AK1: variants seen among roughly 807,000 people sequenced by gnomAD.
The protein encoded by AK1 is adenylate kinase isoenzyme 1.
Under a neutral mutation model 23.9 loss-of-function variants are expected in AK1, and 13 were observed. The ratio of observed to expected loss-of-function variants is 0.54; its 90% CI spans 0.35 to 0.86. The LOEUF is 0.86. AK1 is among the 40% of genes least tolerant of loss of function. AK1 has a pLI of 0.01. For missense variants in AK1, 214 were observed against 255.1 expected (o/e 0.84, Z 1.10); for synonymous variants, 97 against 102.8 (o/e 0.94, Z 0.34).
chr9:127,873,532 G>T, intron 2 of AK1: 1 of 1,441,242 alleles, frequency 6.9e-7, no homozygotes, highest in Non-Finnish European at 9.1e-7. Context: ...TCCCCCGGCA[G>T]TGGGGGCTTA....
Position 127,877,643 on chromosome 9 carries a change from G to C in AK1, c.-53C>G, listed in dbSNP as rs1386718919. 1 of 152,194 alleles carries C rather than the reference G, an allele frequency of 6.6e-6. No homozygotes were observed. Among genetic ancestry groups the C allele is most frequent in the East Asian group, 1.9e-4 (1 of 5,176 alleles). The allele number at this position is 152,194 out of a possible 1,614,324, so 9.4% of individuals were successfully genotyped here. On this transcript the variant is annotated 5_prime_UTR_variant, in exon 1 of 7. Coordinates refer to ENST00000644144, the MANE Select transcript of AK1 (RefSeq NM_000476.3). The surrounding 1 kb of genome is among the most constrained non-coding windows in gnomAD (Gnocchi z 5.2). ...CTGACCTGGGGAGGGGTGCGGGTGG[G>C]CGCCGGGGCCAGTGCGTGCCCTGCC... is the stretch of plus-strand genomic sequence containing the variant.
Position 127,871,772 on chromosome 9 carries a change from G to A in AK1, c.324+51C>T. On this transcript the variant is annotated intron_variant, in intron 5 of 6. Coordinates refer to ENST00000644144, the MANE Select transcript of AK1 (RefSeq NM_000476.3). The surrounding 1 kb of genome is among the most constrained non-coding windows in gnomAD (Gnocchi z 4.4). The stretch of plus-strand genomic sequence containing the variant: ...CGCAGGCCCGCCCATGGGGATGGGA[G>A]TCTTATCCTGCCCCAGCCCACCAGG... The A allele has an allele frequency of 5.3e-6, 8 of 1,517,066 alleles. No individual in the cohort carries two copies. The highest frequency in any genetic ancestry group is 6.4e-6 in the Non-Finnish European group (7 of 1,092,856). The allele number at this position is 1,517,066 out of a possible 1,614,324, so 94.0% of individuals were successfully genotyped here.
chr9:127,874,457 C>T (rs1829491872), intron 2 of AK1, 154 bp downstream of exon 2: 4 of 985,338 alleles, frequency 4.1e-6, no homozygotes, highest in Non-Finnish European at 4.8e-6. Flanking sequence ...CGTGAGAGGC[C>T]AGAGGAGGAT....
Position 127,868,107 on chromosome 9 carries a change from C to A in AK1, c.517-31G>T. 3 of 1,612,204 alleles carry A rather than the reference C, an allele frequency of 1.9e-6. No homozygotes were observed. The highest frequency in any genetic ancestry group is 1.1e-5 in the South Asian group (1 of 90,982). ...GGGAGATGGGCCGTGAGGGCTGAGT[C>A]ACCAGGTGGAGTGGGGTGGGCCTCA... On this transcript the variant is annotated intron_variant, in intron 6 of 6. Coordinates refer to ENST00000644144, the MANE Select transcript of AK1 (RefSeq NM_000476.3). This position sits in a 1 kb window ranked among gnomAD's most constrained non-coding sequence, Gnocchi z 4.1.
rs554795214 is a variant in AK1 at position 127,873,497 on chromosome 9, G to A, written c.8-436C>T. On this transcript the variant is annotated intron_variant, in intron 2 of 6. Coordinates refer to ENST00000644144, the MANE Select transcript of AK1 (RefSeq NM_000476.3). Reference sequence around the variant, plus strand: ...GTGCACCCTGCCCTTCCCCTCTCAGGCCCTGGGCCGGCCCATCACCCGCCT... The same window carrying A: ...GTGCACCCTGCCCTTCCCCTCTCAGACCCTGGGCCGGCCCATCACCCGCCT... 2.5e-5 allele frequency: 37 copies of A among 1,454,576 alleles called. No individual in the cohort carries two copies. In the South Asian group the frequency reaches 5.2e-4, roughly 21 times the overall value. The allele number at this position is 1,454,576 out of a possible 1,614,324, so 90.1% of individuals were successfully genotyped here. A position where few individuals can be genotyped will look rare whatever the true frequency, so the allele number is the denominator to read the frequency against.
At position 127,868,163 on chromosome 9, in the gene AK1, T is replaced by G; in HGVS notation, c.517-87A>C. On this transcript the variant is annotated intron_variant, in intron 6 of 6. Coordinates refer to ENST00000644144, the MANE Select transcript of AK1 (RefSeq NM_000476.3). This position sits in a 1 kb window ranked among gnomAD's most constrained non-coding sequence, Gnocchi z 4.1. ...GCAGGCCCCAGAGACCAGGCCTGCCTCCCCGAGCCCAACCTAATTGACAGC... is the reference window on the plus strand; with the variant it reads ...GCAGGCCCCAGAGACCAGGCCTGCCGCCCCGAGCCCAACCTAATTGACAGC... 1 of 1,520,238 alleles carries G rather than the reference T, an allele frequency of 6.6e-7. No individual in the cohort carries two copies. The highest frequency in any genetic ancestry group is 9.1e-7 in the Non-Finnish European group (1 of 1,100,012). The allele number at this position is 1,520,238 out of a possible 1,614,324, so 94.2% of individuals were successfully genotyped here.
chr9:127,868,266 G>T lies in AK1; in HGVS notation c.516+55C>A. 1 of 1,529,844 alleles carries T rather than the reference G, an allele frequency of 6.5e-7. No individual in the cohort carries two copies. The highest frequency in any genetic ancestry group is 1.2e-5 in the South Asian group (1 of 84,090). 94.8% of individuals were successfully genotyped at this position (1,529,844 alleles called of 1,614,324 possible). On this transcript the variant is annotated intron_variant, in intron 6 of 6. Transcript: ENST00000644144. The surrounding 1 kb of genome is among the most constrained non-coding windows in gnomAD (Gnocchi z 4.1). The stretch of plus-strand genomic sequence containing the variant: ...TGAGGCCACACAGTGAGCTGAGGCG[G>T]AGCCACATAGGAACCCGTTCTTCCC...
chr9:127,870,863 C>T (rs913984), intron 5 of AK1, among the ~76,000 whole-genome samples: 37,837 of 151,488 alleles, frequency 0.25, 5,554 homozygotes, highest in Admixed American at 0.37. Flanking sequence ...TATCCTGCCC[C>T]AGCCCACCAG....
Position 127,877,575 on chromosome 9 carries a change from C to T in AK1, c.-33+48G>A, listed in dbSNP as rs1359608266. 6.6e-6 allele frequency: 1 copy of T among 152,588 alleles called. No individual in the cohort carries two copies. The highest frequency in any genetic ancestry group is 1.5e-5 in the Non-Finnish European group (1 of 68,438). The allele number at this position is 152,588 out of a possible 1,614,324, so 9.5% of individuals were successfully genotyped here. On this transcript the variant is annotated intron_variant, in intron 1 of 6. Coordinates refer to ENST00000644144, the MANE Select transcript of AK1 (RefSeq NM_000476.3). The surrounding 1 kb of genome is among the most constrained non-coding windows in gnomAD (Gnocchi z 5.2). ...CCCCGCCCTCCCCCGGTGCCGCTGC[C>T]CCTCCCCGCAGAGGCGCCCCCCCAG...
intron 2 of AK1, chr9:127,873,696 G>A: frequency 1.0e-6 from 1 of 985,436 alleles, no homozygotes; most frequent in Non-Finnish European, 1.2e-6. Context: ...CAGCCCCACT[G>A]GGCAGAGGGA....
At chr9:127,874,244 C>T (rs1340277322) in intron 2 of AK1, 1 of 985,328 alleles carries the variant, frequency 1.0e-6, no homozygotes. Flanking sequence ...CCCACCCTCA[C>T]TGGATGATAG....
chr9:127,875,740 T>C (rs1250278503), intron 1 of AK1, among the ~76,000 whole-genome samples: 1 of 151,052 alleles, frequency 6.6e-6, no homozygotes, highest in Admixed American at 6.6e-5. Flanking sequence ...CAGGCCCCTA[T>C]GGCCAAGCCA....
rs148619036 is a variant in AK1, at chr9:127,868,354, G to A, written c.483C>T (p.Ile161=). 5.8e-5 allele frequency: 93 copies of A among 1,608,018 alleles called. No individual in the cohort carries two copies. In the African/African-American group the frequency reaches 8.3e-4, roughly 14 times the overall value. ...CAATGCCACGTTTCTCATAGAAGGC[G>A]ATGACAGGTTCTGTGGCCTTGTAAT... ...ETYYKATEPV[I]AFYEKRGIVR... Residue 161 remains isoleucine (I), a synonymous_variant, in exon 6 of 7, where the codon ATC becomes ATT. Transcript: ENST00000644144. This position sits in a 1 kb window ranked among gnomAD's most constrained non-coding sequence, Gnocchi z 4.1.
At position 127,867,889 on chromosome 9, in the gene AK1, C is replaced by T. The variant is rs751837494; in HGVS notation, c.*119G>A. 21 of 951,658 alleles carry T rather than the reference C, an allele frequency of 2.2e-5. No homozygotes were observed. The highest frequency in any genetic ancestry group is 3.1e-5 in the Non-Finnish European group (18 of 589,216). The allele number at this position is 951,658 out of a possible 1,614,324, so 59.0% of individuals were successfully genotyped here. On this transcript the variant is annotated 3_prime_UTR_variant, in exon 7 of 7. Coordinates refer to ENST00000644144, the MANE Select transcript of AK1 (RefSeq NM_000476.3). ...CAGCTGTCCATGAAAACAGGATAAG[C>T]GGCTTCCTCCGTCTGTGCTCAGCAG...
intron 1 of AK1, among the ~76,000 whole-genome samples, chr9:127,875,214 A>G (rs1190962965): frequency 6.6e-6 from 1 of 151,972 alleles, no homozygotes; most frequent in Non-Finnish European, 1.5e-5. Flanking sequence ...ACAGTTGTCA[A>G]AGTGAGGCGG....
At position 127,872,834 on chromosome 9, in the gene AK1, C is replaced by A. The variant is rs907207571; in HGVS notation, c.63G>T (p.Lys21Asn). 6 of 1,613,966 alleles carry A rather than the reference C, an allele frequency of 3.7e-6. No individual in the cohort carries two copies. In the African/African-American group the frequency reaches 8.0e-5, roughly 22 times the overall value. Residue 21 changes from lysine to asparagine, a missense_variant, in exon 4 of 7, where the codon AAG becomes AAT. Physicochemically the swap from Lys to Asn is moderately conservative, Grantham distance 94. Transcript: ENST00000644144. ...IFVVGGPGSG[K>N]GTQCEKIVQK... Reference sequence around the variant, plus strand: ...GCACGATCTTCTCACACTGGGTGCCCTTCCCTGAGCCAGGCCCACCTGCAA... The same window carrying A: ...GCACGATCTTCTCACACTGGGTGCCATTCCCTGAGCCAGGCCCACCTGCAA...
chr9:127,870,499 G>A (rs975860850), intron 5 of AK1, among the ~76,000 whole-genome samples: 1 of 151,890 alleles, frequency 6.6e-6, no homozygotes, highest in Non-Finnish European at 1.5e-5. Context: ...GCACCCGGCC[G>A]ACTTTCATTA....
intron 1 of AK1, among the ~76,000 whole-genome samples, chr9:127,876,046 G>C (rs1226451640): frequency 1.3e-5 from 2 of 152,218 alleles, no homozygotes; most frequent in African/African-American, 2.4e-5. Context: ...TGACATAGTG[G>C]ATAGGTCCCG....
intron 5 of AK1, among the ~76,000 whole-genome samples, chr9:127,869,968 A>G (rs115665198): frequency 0.011 from 1,683 of 152,308 alleles, 39 homozygotes; most frequent in African/African-American, 0.039. Flanking sequence ...GACAATGGAC[A>G]TCTAGCCCGG....
Sources: gnomAD v4.1 joint callset for allele counts (sites outside exome capture counted in the v4.1 genomes callset) on GRCh38, gnomAD v4.1.1 for gene constraint, Gnocchi (gnomAD v3.1) non-coding constraint, MANE v1.5 for transcripts, NCBI Gene and HGNC (gene_info 2026-07-23, HGNC 2026-07-21) for gene names.